CACNA1C: variants seen among roughly 807,000 people sequenced by gnomAD.
The protein encoded by CACNA1C is calcium voltage-gated channel subunit alpha1 C.
CACNA1C carries 30 observed loss-of-function variants against 229.0 expected under a neutral mutation model. That is an observed-to-expected ratio of 0.13 (90% CI 0.10 to 0.18). The LOEUF (loss-of-function observed/expected upper bound fraction) is 0.18, where lower values mean the gene tolerates loss of function less well. Among genes scored for constraint, CACNA1C ranks in the 10% least tolerant of loss-of-function variants. The pLI is 1.00. For missense variants in CACNA1C, 1,658 were observed against 2,845.0 expected (o/e 0.58, Z 9.49); for synonymous variants, 1,114 against 1,132.5 (o/e 0.98, Z 0.33).
chr12:2,050,600 AT>A (rs1351315525), upstream of CACNA1C, among the ~76,000 whole-genome samples: 1 of 152,236 alleles, frequency 6.6e-6, no homozygotes, highest in Non-Finnish European at 1.5e-5. Context: ...AATGCGAAAT[AT>A]TTGAATTTGT....
chr12:2,596,574 A>G (rs930893956), intron 20 of CACNA1C, among the ~76,000 whole-genome samples: 3 of 152,208 alleles, frequency 2.0e-5, no homozygotes, highest in South Asian at 2.1e-4. Flanking sequence ...AGCCATACCC[A>G]TGCCAAACCA....
chr12:2,044,716 A>T (rs1331820253), intron 1 of CACNA1C, among the ~76,000 whole-genome samples: 1 of 152,212 alleles, frequency 6.6e-6, no homozygotes, highest in African/African-American at 2.4e-5. Flanking sequence ...CATCATCTTT[A>T]AAAAAGAGGT....
In CACNA1C at chr12:2,549,979, C is replaced by T; in HGVS notation, c.1427C>T (p.Thr476Ile). 1.2e-6 allele frequency: 2 copies of T among 1,608,344 alleles called. No individual in the cohort carries two copies. The highest frequency in any genetic ancestry group is 2.2e-5 in the East Asian group (1 of 44,674). The change falls in exon 10 of 47, where the codon ACC becomes ATC. Residue 476 changes from threonine to isoleucine, a missense_variant. Thr to Ile is a moderately conservative substitution (Grantham distance 89). This residue lies in a region of CACNA1C where 149 missense variants were observed against 194.2 expected (regional missense o/e 0.77). Transcript: ENST00000399655. ...MPTSETESVN[T>I]ENVAGGDIEG... ...ACCAGTGAGACCGAGTCCGTCAACACCGAAAACGTGGCTGGAGGTGACATC... is the reference window on the plus strand; with the variant it reads ...ACCAGTGAGACCGAGTCCGTCAACATCGAAAACGTGGCTGGAGGTGACATC...
At chr12:2,188,907 A>G (rs1351859031) in intron 3 of CACNA1C, among the ~76,000 whole-genome samples, 1 of 151,922 alleles carries the variant, frequency 6.6e-6, no homozygotes, top group South Asian at 2.1e-4. Context: ...CCTGGCTAAT[A>G]TGGTGAAACC....
intron 7 of CACNA1C, among the ~76,000 whole-genome samples, chr12:2,495,113 G>A (rs2154572149): frequency 6.6e-6 from 1 of 152,292 alleles, no homozygotes; most frequent in East Asian, 1.9e-4. Flanking sequence ...ATGAAACACT[G>A]GAAAACATTT....
Position 2,115,285 on chromosome 12 carries a change from G to T in CACNA1C, c.111G>T (p.Gly37=). ...ACATGAATGCCAATGCGGCAGCGGGGCTGGCCCCTGAGCACATCCCCACCC... is the reference window on the plus strand; with the variant it reads ...ACATGAATGCCAATGCGGCAGCGGGTCTGGCCCCTGAGCACATCCCCACCC... ...HANMNANAAA[G]LAPEHIPTPG... Residue 37 remains glycine (G), a synonymous_variant, in exon 2 of 47, where the codon GGG becomes GGT. Coordinates refer to ENST00000399655, the MANE Select transcript of CACNA1C (RefSeq NM_000719.7). 6.3e-7 allele frequency: 1 copy of T among 1,591,608 alleles called. No homozygotes were observed.
At chr12:2,563,990 T>C (rs1460517060) in intron 11 of CACNA1C, among the ~76,000 whole-genome samples, 1 of 151,988 alleles carries the variant, frequency 6.6e-6, no homozygotes, top group Non-Finnish European at 1.5e-5. Flanking sequence ...ACCCAGGAGG[T>C]GACGCTGAGG....
rs142499044 is a variant in CACNA1C at position 2,029,685 on chromosome 12, C to T, written c.139+58484C>T. Among the ~76,000 whole-genome samples, 19 of 152,206 alleles carry T rather than the reference C, an allele frequency of 1.2e-4. No individual in the cohort carries two copies. Among genetic ancestry groups the T allele is most frequent in the African/African-American group, 4.3e-4 (18 of 41,448 alleles). On this transcript the variant is annotated intron_variant, in intron 1 of 46. Coordinates refer to the CACNA1C transcript ENST00000682462. The surrounding 1 kb of genome is among the most constrained non-coding windows in gnomAD (Gnocchi z 4.9). ...GTCTCTCACCACTCCCGAAGTGAGG[C>T]TAACTGACTGTGACACAGTTTTCTG...
Position 2,448,681 on chromosome 12 carries a change from TTAAC to T in CACNA1C, c.478-291_478-288del, listed in dbSNP as rs371986455. 5.4e-4 allele frequency among the ~76,000 whole-genome samples: 83 copies of T among 152,296 alleles called. No homozygotes were observed. In the East Asian group the frequency reaches 9.5e-3, roughly 17 times the overall value. On this transcript the variant is annotated intron_variant, in intron 3 of 46. Coordinates refer to ENST00000399655, the MANE Select transcript of CACNA1C (RefSeq NM_000719.7). Reference sequence around the variant, plus strand: ...GAGAGCACAATAAAATGTCAACTGATTAACTAAATAAAATGTTTCAAAAAATATG... The same window carrying T: ...GAGAGCACAATAAAATGTCAACTGATTAAATAAAATGTTTCAAAAAATATG...
chr12:2,324,809 G>A (rs1192099346), intron 3 of CACNA1C, among the ~76,000 whole-genome samples: 2 of 152,160 alleles, frequency 1.3e-5, no homozygotes, highest in African/African-American at 2.4e-5. Flanking sequence ...GGCCTCTCGG[G>A]GGGTTTGCTG....
At chr12:2,358,419 C>G (rs1268554893) in intron 3 of CACNA1C, among the ~76,000 whole-genome samples, 1 of 152,140 alleles carries the variant, frequency 6.6e-6, no homozygotes, top group Non-Finnish European at 1.5e-5. Flanking sequence ...CATTACAACC[C>G]TTTCCATTTA....
rs982638104 is a variant in CACNA1C at position 2,617,670 on chromosome 12, G to A, written c.3828+5657G>A. On this transcript the variant is annotated intron_variant, in intron 29 of 46. Coordinates refer to ENST00000399655, the MANE Select transcript of CACNA1C (RefSeq NM_000719.7). ...TGACATGGGTGGCCACAGGCCCTGC[G>A]GAGGGGAGAAATCTTTGGGGATACC... Among the ~76,000 whole-genome samples, 3 of 152,206 alleles carry A rather than the reference G, an allele frequency of 2.0e-5. No individual in the cohort carries two copies. The East Asian group carries it at 5.8e-4, about 29-fold the overall frequency.
intron 3 of CACNA1C, among the ~76,000 whole-genome samples, chr12:2,256,598 G>C (rs948932659): frequency 6.6e-6 from 1 of 152,154 alleles, no homozygotes; most frequent in Non-Finnish European, 1.5e-5. Flanking sequence ...TAGAGATGAC[G>C]AGAAGATGGT....
chr12:2,035,370 C>A (rs1014800702), intron 1 of CACNA1C, among the ~76,000 whole-genome samples: 1 of 152,232 alleles, frequency 6.6e-6, no homozygotes, highest in Non-Finnish European at 1.5e-5. Flanking sequence ...CTTGGAGCCC[C>A]TGGGTTCTGT....
At chr12:2,687,152 A>G (rs2097544125) in intron 45 of CACNA1C, among the ~76,000 whole-genome samples, 1 of 152,186 alleles carries the variant, frequency 6.6e-6, no homozygotes. Flanking sequence ...AATAATGAAT[A>G]TGGCCTTACA....
intron 7 of CACNA1C, among the ~76,000 whole-genome samples, chr12:2,494,658 T>A (rs1206609972): frequency 6.6e-6 from 1 of 152,238 alleles, no homozygotes; most frequent in East Asian, 1.9e-4. Flanking sequence ...AGGCGTTGAC[T>A]TCTTCCTGAA....
chr12:2,320,538 A>G (rs2095928515), intron 3 of CACNA1C, among the ~76,000 whole-genome samples: 1 of 152,114 alleles, frequency 6.6e-6, no homozygotes, highest in South Asian at 2.1e-4. Flanking sequence ...TCCTCCATTT[A>G]CCTTGCCTGT....
intron 1 of CACNA1C, 60 bp from the exon 2 acceptor site, chr12:2,115,164 G>A (rs1302448576): frequency 6.9e-6 from 9 of 1,295,992 alleles, no homozygotes; most frequent in Admixed American, 2.7e-5. Context: ...TCCAGAGAGT[G>A]TCGGAAGTGC....
rs1451138308 is a variant in CACNA1C at position 2,467,679 on chromosome 12, C to T, written c.757+9973C>T. Among the ~76,000 whole-genome samples, 1 of 152,192 alleles carries T rather than the reference C, an allele frequency of 6.6e-6. No homozygotes were observed. The highest frequency in any genetic ancestry group is 1.9e-4 in the East Asian group (1 of 5,186). ...GGTGGGTCCCACGCCCAGCCCCGCC[C>T]TGCCCCTTAGCACCTGCCAGGCCCA... is the stretch of plus-strand genomic sequence containing the variant. On this transcript the variant is annotated intron_variant, in intron 5 of 46. Transcript: ENST00000399655. The surrounding 1 kb of genome is among the most constrained non-coding windows in gnomAD (Gnocchi z 4.6).
Sources: allele counts gnomAD v4.1 joint callset (sites outside exome capture counted in the v4.1 genomes callset), GRCh38; gene constraint gnomAD v4.1.1; regional missense constraint gnomAD v4.1.1; non-coding constraint Gnocchi (gnomAD v3.1); transcripts MANE v1.5; gene names NCBI Gene and HGNC (gene_info 2026-07-23, HGNC 2026-07-21).